SYN3: variants seen among roughly 807,000 people sequenced by gnomAD.
The protein encoded by SYN3 is synapsin III.
SYN3 carries 35 observed loss-of-function variants against 65.8 expected under a neutral mutation model. The ratio of observed to expected loss-of-function variants is 0.53; its 90% CI spans 0.41 to 0.70. The LOEUF is 0.70. Among genes scored for constraint, SYN3 ranks in the 30% least tolerant of loss-of-function variants. The pLI, the probability that SYN3 is intolerant of heterozygous loss-of-function variation, is 0.00. For missense variants in SYN3, 680 were observed against 749.0 expected, an observed-to-expected ratio of 0.91 and a Z score of 1.08; for synonymous variants, 270 against 292.9, an observed-to-expected ratio of 0.92 and a Z score of 0.80.
At chr22:32,579,502 T>C (rs908696910) in intron 7 of SYN3, among the ~76,000 whole-genome samples, 1 of 152,206 alleles carries the variant, frequency 6.6e-6, no homozygotes, top group Non-Finnish European at 1.5e-5. Flanking sequence ...AGAGTCCTCA[T>C]GACTTAATCA....
At chr22:33,004,749 G>A (rs2053154355) in intron 2 of SYN3, among the ~76,000 whole-genome samples, 1 of 152,148 alleles carries the variant, frequency 6.6e-6, no homozygotes, top group Admixed American at 6.5e-5. Context: ...CTTTGGACTT[G>A]GACTTTTGGG....
chr22:32,850,141 T>C (rs1361146113), intron 6 of SYN3, among the ~76,000 whole-genome samples: 1 of 150,804 alleles, frequency 6.6e-6, no homozygotes, highest in Non-Finnish European at 1.5e-5. Flanking sequence ...ATTCTTATCA[T>C]TAAACATATT....
At chr22:33,008,425 T>A (rs1331640985) in intron 1 of SYN3, among the ~76,000 whole-genome samples, 1 of 152,246 alleles carries the variant, frequency 6.6e-6, no homozygotes, top group East Asian at 1.9e-4. Flanking sequence ...CTGATGCATG[T>A]CACCGTTTAT....
chr22:32,679,839 C>CTTGTTTTTTTTTTTTTTTTTTTT (rs2060497571), intron 6 of SYN3, among the ~76,000 whole-genome samples: 1 of 39,148 alleles, frequency 2.6e-5, no homozygotes, highest in Non-Finnish European at 4.6e-5. Flanking sequence ...TGTTTTTTGG[C>CTTGTTTTTTTTTTTTTTTTTTTT]TTTTTTTTTT....
intron 6 of SYN3, among the ~76,000 whole-genome samples, chr22:32,779,271 A>C (rs2045977326): frequency 6.6e-6 from 1 of 151,954 alleles, no homozygotes. Flanking sequence ...ACCAGCCTGG[A>C]CAACATGGCA....
intron 1 of SYN3, among the ~76,000 whole-genome samples, chr22:33,025,679 C>T (rs1278051391): frequency 6.6e-6 from 1 of 151,702 alleles, no homozygotes; most frequent in East Asian, 1.9e-4. Context: ...GCAACTTTCT[C>T]AGTATTCATG....
At chr22:32,856,518 T>G (rs1165725099) in intron 6 of SYN3, among the ~76,000 whole-genome samples, 1 of 152,208 alleles carries the variant, frequency 6.6e-6, no homozygotes, top group Non-Finnish European at 1.5e-5. Flanking sequence ...TCCTCTCCTG[T>G]GTTCCTCTTA....
chr22:32,597,204 C>CTTTTTTT (rs6147592), intron 6 of SYN3, among the ~76,000 whole-genome samples: 3 of 87,398 alleles, frequency 3.4e-5, no homozygotes, highest in Non-Finnish European at 4.4e-5. Context: ...ACATTATTCT[C>CTTTTTTT]TTTTTTTTTT....
chr22:32,562,456 A>G (rs1210340683), intron 7 of SYN3, among the ~76,000 whole-genome samples: 2 of 152,182 alleles, frequency 1.3e-5, no homozygotes, highest in Non-Finnish European at 2.9e-5. Context: ...GTTGGCCTGG[A>G]GGGACATTGC....
At chr22:32,676,279 T>G (rs2060440085) in intron 6 of SYN3, among the ~76,000 whole-genome samples, 1 of 152,146 alleles carries the variant, frequency 6.6e-6, no homozygotes, top group Non-Finnish European at 1.5e-5. Flanking sequence ...GCCAGTCATC[T>G]CATCAGGGAA....
rs561308691 is a variant in SYN3, at chr22:32,801,531, C to A, written c.711+63384G>T. Among the ~76,000 whole-genome samples, 193 of 152,300 alleles carry A rather than the reference C, an allele frequency of 1.3e-3. 1 individual carries two copies. The highest frequency in any genetic ancestry group is 2.9e-3 in the Admixed American group (44 of 15,310). On this transcript the variant is annotated intron_variant, in intron 6 of 13. Coordinates refer to ENST00000358763, the MANE Select transcript of SYN3 (RefSeq NM_003490.4). This position sits in a 1 kb window ranked among gnomAD's most constrained non-coding sequence, Gnocchi z 4.7. ...GCATTATTCCCTATAAGGATCTGAACGATCCGGGGGCGGCCCCGCCCCGTT... is the reference window on the plus strand; with the variant it reads ...GCATTATTCCCTATAAGGATCTGAAAGATCCGGGGGCGGCCCCGCCCCGTT...
chr22:32,688,978 C>G (rs1363286557), intron 6 of SYN3, among the ~76,000 whole-genome samples: 2 of 152,196 alleles, frequency 1.3e-5, no homozygotes, highest in Admixed American at 1.3e-4. Flanking sequence ...GACCCCAAGC[C>G]TCAATTTCTT....
At chr22:32,959,519 C>T (rs2051578271) in intron 3 of SYN3, among the ~76,000 whole-genome samples, 1 of 151,854 alleles carries the variant, frequency 6.6e-6, no homozygotes, top group South Asian at 2.1e-4. Context: ...CCACTGTACT[C>T]CAGCCTGGGT....
chr22:32,887,416 T>C (rs1333884007), intron 4 of SYN3, among the ~76,000 whole-genome samples: 1 of 150,700 alleles, frequency 6.6e-6, no homozygotes, highest in South Asian at 2.1e-4. Flanking sequence ...AACTTCCCGC[T>C]GATAACCAGC....
At chr22:32,630,637 G>A (rs2059735069) in intron 6 of SYN3, among the ~76,000 whole-genome samples, 1 of 152,144 alleles carries the variant, frequency 6.6e-6, no homozygotes, top group Non-Finnish European at 1.5e-5. Flanking sequence ...TACTTTTAAA[G>A]AGTACAGATC....
chr22:32,992,168 C>T (rs974342649), intron 2 of SYN3, among the ~76,000 whole-genome samples: 1 of 152,252 alleles, frequency 6.6e-6, no homozygotes, highest in African/African-American at 2.4e-5. Context: ...AAGGCAAGGG[C>T]ATGAGAAGTG....
intron 1 of SYN3, among the ~76,000 whole-genome samples, chr22:33,016,034 C>T (rs1442631267): frequency 1.3e-5 from 2 of 151,952 alleles, no homozygotes; most frequent in Admixed American, 6.6e-5. Flanking sequence ...TTAGTTGAGA[C>T]GGGGTTTCAC....
intron 6 of SYN3, among the ~76,000 whole-genome samples, chr22:32,736,536 T>C (rs1452418284): frequency 6.6e-6 from 1 of 152,218 alleles, no homozygotes; most frequent in East Asian, 1.9e-4. Context: ...ATAATTTTTT[T>C]TCTCTGGGTC....
intron 7 of SYN3, among the ~76,000 whole-genome samples, chr22:32,593,752 A>C (rs1255178024): frequency 6.6e-6 from 1 of 152,164 alleles, no homozygotes; most frequent in Non-Finnish European, 1.5e-5. Context: ...TGGGAAGGAA[A>C]AAGGTGACTC....
Sources: allele counts gnomAD v4.1 joint callset (sites outside exome capture counted in the v4.1 genomes callset), GRCh38; gene constraint gnomAD v4.1.1; non-coding constraint Gnocchi (gnomAD v3.1); transcripts MANE v1.5; gene names NCBI Gene and HGNC (gene_info 2026-07-23, HGNC 2026-07-21).